The following PCDH15 variants were observed in gnomAD, a reference collection of about 807,000 sequenced individuals.
The protein encoded by PCDH15 is protocadherin-15.
A neutral mutation model predicts 178.5 loss-of-function variants in PCDH15; 129 were observed. That is an observed-to-expected ratio of 0.72 (90% confidence interval 0.63 to 0.84). The LOEUF (loss-of-function observed/expected upper bound fraction) is 0.84, where lower values mean the gene tolerates loss of function less well. Ranked by LOEUF, PCDH15 falls within the 40% of genes least tolerant of loss-of-function variation. The pLI, the probability that PCDH15 is intolerant of heterozygous loss-of-function variation, is 0.00. For synonymous variants in PCDH15, 800 were observed against 732.0 expected, an observed-to-expected ratio of 1.09 and a Z score of -1.50; for missense variants, 2,230 against 2,099.9, an observed-to-expected ratio of 1.06 and a Z score of -1.21.
In PCDH15 at chr10:54,020,436, A is replaced by G. The variant is rs1457239599; in HGVS notation, c.2527-20T>C. The G allele has an allele frequency of 6.2e-7, 1 of 1,606,932 alleles. No individual in the cohort carries two copies. Among genetic ancestry groups the G allele is most frequent in the African/African-American group, 1.3e-5 (1 of 74,776 alleles). ...TTTGGCCTGTAATAAGCAGAAGAAT[A>G]GTTTTATTAGTGACGTTACCAAAAT... On this transcript the variant is annotated intron_variant, in intron 19 of 37. Coordinates refer to ENST00000644397, the MANE Select transcript of PCDH15 (RefSeq NM_001384140.1).
At chr10:53,900,065 A>T (rs1245349251) in intron 26 of PCDH15, among the ~76,000 whole-genome samples, 2 of 152,102 alleles carry the variant, frequency 1.3e-5, no homozygotes, top group African/African-American at 4.8e-5. Flanking sequence ...TAAATTCTTC[A>T]TCCTCCAGGA....
intron 2 of PCDH15, among the ~76,000 whole-genome samples, chr10:55,371,029 C>T (rs982411590): frequency 4.6e-5 from 7 of 152,056 alleles, no homozygotes; most frequent in African/African-American, 1.2e-4. Context: ...CAAGGCCAAT[C>T]TTTTCATGAG....
chr10:54,473,465 G>A (rs538615086), intron 3 of PCDH15, among the ~76,000 whole-genome samples: 68 of 152,152 alleles, frequency 4.5e-4, no homozygotes, highest in African/African-American at 1.4e-3. Flanking sequence ...GAATTTTCTC[G>A]TCTGTCTCTC....
chr10:55,518,948 G>T (rs1565216307), intron 2 of PCDH15, among the ~76,000 whole-genome samples: 1 of 151,642 alleles, frequency 6.6e-6, no homozygotes, highest in Admixed American at 6.6e-5. Context: ...CAAAAAATTA[G>T]CCTGGCATGG....
At chr10:54,028,666 T>C (rs2093195453) in intron 18 of PCDH15, among the ~76,000 whole-genome samples, 1 of 148,882 alleles carries the variant, frequency 6.7e-6, no homozygotes, top group Admixed American at 6.7e-5. Flanking sequence ...GAAATCATCA[T>C]TCTCAGTAAA....
At position 54,079,261 on chromosome 10, in the gene PCDH15, T is replaced by C. The variant is rs139399915; in HGVS notation, c.2091+70A>G. On this transcript the variant is annotated intron_variant, in intron 17 of 37. Transcript: ENST00000644397. ...GAAAAACATTAATTCATGTCTGTGA[T>C]ACATTGTTTAAGACTCTCTCAGTTG... is the stretch of plus-strand genomic sequence containing the variant. 7,766 of 1,361,546 alleles carry C rather than the reference T, an allele frequency of 5.7e-3. 16 individuals carry two copies. Among genetic ancestry groups the C allele is most frequent in the Non-Finnish European group, 6.7e-3 (6,370 of 949,694 alleles). The allele number at this position is 1,361,546 out of a possible 1,614,324, so 84.3% of individuals were successfully genotyped here.
At chr10:55,151,027 G>C (rs74398142) in intron 2 of PCDH15, among the ~76,000 whole-genome samples, 8,063 of 152,132 alleles carry the variant, frequency 0.053, 238 homozygotes, top group Middle Eastern at 0.14. Context: ...TAGTAGGATA[G>C]TACTTTTGAG....
chr10:55,063,346 C>T (rs915507246), intron 2 of PCDH15, among the ~76,000 whole-genome samples: 1 of 152,122 alleles, frequency 6.6e-6, no homozygotes, highest in Non-Finnish European at 1.5e-5. Flanking sequence ...TATATCTCAA[C>T]ATTCCTAATC....
chr10:54,195,880 C>T lies in PCDH15; in HGVS notation c.1108G>A (p.Asp370Asn), dbSNP rs1482209592. ...KFDLVIKAEQ[D>N]NGHPLPAFAG... The stretch of plus-strand genomic sequence containing the variant: ...AAGGCAGGAAGAGGATGACCATTGT[C>T]TTGTTCAGCCTAAAATTGAAAAGAA... The change falls in exon 11 of 38, where the codon GAC becomes AAC. Residue 370 changes from aspartate to asparagine, a missense_variant. Physicochemically the swap from Asp to Asn is conservative, Grantham distance 23. Transcript: ENST00000644397. 1.5e-5 allele frequency: 24 copies of T among 1,613,054 alleles called. No homozygotes were observed. The highest frequency in any genetic ancestry group is 2.7e-5 in the African/African-American group (2 of 74,840).
intron 2 of PCDH15, among the ~76,000 whole-genome samples, chr10:55,114,703 A>G (rs1036154435): frequency 1.3e-5 from 2 of 152,212 alleles, no homozygotes; most frequent in Non-Finnish European, 2.9e-5. Flanking sequence ...AAGGATAAAG[A>G]CACAAACCTA....
At chr10:53,990,983 C>T (rs1414251200) in intron 21 of PCDH15, among the ~76,000 whole-genome samples, 2 of 152,108 alleles carry the variant, frequency 1.3e-5, no homozygotes, top group African/African-American at 4.8e-5. Context: ...TGCACTGAGT[C>T]CCCCAGCACT....
chr10:54,682,701 G>A (rs567326891), intron 1 of PCDH15, among the ~76,000 whole-genome samples: 9 of 152,096 alleles, frequency 5.9e-5, no homozygotes, highest in Non-Finnish European at 1.3e-4. Flanking sequence ...GAATCTATCT[G>A]AGATACTCTC....
intron 15 of PCDH15, among the ~76,000 whole-genome samples, chr10:54,122,251 C>T (rs947381198): frequency 6.6e-6 from 1 of 151,898 alleles, no homozygotes; most frequent in African/African-American, 2.4e-5. Flanking sequence ...CACATGAACA[C>T]AATTTAAACT....
chr10:54,904,226 ATAAT>A (rs915608730), intron 2 of PCDH15, among the ~76,000 whole-genome samples: 21 of 152,078 alleles, frequency 1.4e-4, no homozygotes, highest in Non-Finnish European at 8.8e-5. Flanking sequence ...CTGTGGAAGT[ATAAT>A]TAATGTTATT....
intron 21 of PCDH15, among the ~76,000 whole-genome samples, chr10:53,992,629 C>T (rs967536345): frequency 6.6e-6 from 1 of 152,016 alleles, no homozygotes; most frequent in Non-Finnish European, 1.5e-5. Context: ...TCAAAAAGAA[C>T]AAAACTATGC....
At chr10:55,155,797 T>C (rs1312505045) in intron 2 of PCDH15, among the ~76,000 whole-genome samples, 2 of 148,328 alleles carry the variant, frequency 1.3e-5, no homozygotes, top group East Asian at 2.0e-4. Context: ...AGTATGTCTA[T>C]ACAAAATAAA....
intron 2 of PCDH15, among the ~76,000 whole-genome samples, chr10:54,646,976 C>G (rs2094143120): frequency 6.6e-6 from 1 of 151,972 alleles, no homozygotes; most frequent in Non-Finnish European, 1.5e-5. Flanking sequence ...ATCCATGAAT[C>G]CTACTTCTAG....
chr10:54,864,250 T>C (rs779393591), intron 3 of PCDH15, among the ~76,000 whole-genome samples: 19 of 152,176 alleles, frequency 1.2e-4, no homozygotes, highest in East Asian at 1.9e-4. Flanking sequence ...AGAGCAGATA[T>C]AGGTGACAGC....
chr10:54,093,014 A>G (rs1295198837), intron 15 of PCDH15, among the ~76,000 whole-genome samples: 3 of 152,034 alleles, frequency 2.0e-5, no homozygotes, highest in Non-Finnish European at 2.9e-5. Flanking sequence ...CCAGATTAAT[A>G]TCGAATCTTT....
Sources: allele counts gnomAD v4.1 joint callset (sites outside exome capture counted in the v4.1 genomes callset), GRCh38; gene constraint gnomAD v4.1.1; transcripts MANE v1.5; gene names NCBI Gene and HGNC (gene_info 2026-07-23, HGNC 2026-07-21).